PDGFC: variants seen among roughly 807,000 people sequenced by gnomAD.
PDGFC encodes the protein platelet derived growth factor C.
Under a neutral mutation model 35.5 loss-of-function variants are expected in PDGFC, and 12 were observed. The ratio of observed to expected loss-of-function variants is 0.34; its 90% CI spans 0.22 to 0.55. The LOEUF is 0.55. Among genes scored for constraint, PDGFC ranks in the 20% least tolerant of loss-of-function variants. PDGFC has a pLI of 0.91. For missense variants in PDGFC, 322 were observed against 412.4 expected (o/e 0.78, Z 1.90); for synonymous variants, 159 against 148.8 (o/e 1.07, Z -0.50).
intron 3 of PDGFC, among the ~76,000 whole-genome samples, chr4:156,797,928 G>A (rs1560816474): frequency 6.6e-6 from 1 of 152,142 alleles, no homozygotes; most frequent in South Asian, 2.1e-4. Context: ...GGTGCCTCAC[G>A]CCAGTAATTC....
intron 3 of PDGFC, among the ~76,000 whole-genome samples, chr4:156,801,322 A>G (rs1221333251): frequency 6.6e-6 from 1 of 152,104 alleles, no homozygotes; most frequent in Non-Finnish European, 1.5e-5. Flanking sequence ...TTGAGTAATA[A>G]TAAAGCTCCA....
chr4:156,919,802 G>C (rs1240957741), intron 1 of PDGFC, among the ~76,000 whole-genome samples: 1 of 152,198 alleles, frequency 6.6e-6, no homozygotes, highest in Admixed American at 6.5e-5. Context: ...TCTAGGAACA[G>C]AGCTGTCCTT....
chr4:156,886,955 A>T (rs983027173), intron 1 of PDGFC: 2 of 152,146 alleles, frequency 1.3e-5, no homozygotes, highest in Non-Finnish European at 2.9e-5. Flanking sequence ...TTAAGCTATG[A>T]TTTGTGTCTT....
chr4:156,847,154 CCTT>C (rs1428672402), intron 2 of PDGFC, among the ~76,000 whole-genome samples: 4 of 151,580 alleles, frequency 2.6e-5, no homozygotes, highest in Non-Finnish European at 5.9e-5. Flanking sequence ...ATCAGTATCT[CCTT>C]GAGTGTGGGC....
intron 1 of PDGFC, among the ~76,000 whole-genome samples, chr4:156,935,357 A>G (rs1386544165): frequency 6.6e-6 from 1 of 152,334 alleles, no homozygotes; most frequent in East Asian, 1.9e-4. Flanking sequence ...ATAGTATAGC[A>G]AATACAAAAA....
chr4:156,825,386 C>CA (rs34775471), intron 2 of PDGFC, among the ~76,000 whole-genome samples: 7,718 of 128,240 alleles, frequency 0.06, 640 homozygotes, highest in African/African-American at 0.2. Flanking sequence ...CCGTTTCTAC[C>CA]AAAAAAAAAA....
intron 1 of PDGFC, among the ~76,000 whole-genome samples, chr4:156,867,535 A>G (rs1415847237): frequency 7.2e-5 from 11 of 152,194 alleles, no homozygotes; most frequent in Non-Finnish European, 1.0e-4. Context: ...AACATCACCA[A>G]AGCCAAGTGT....
At position 156,793,560 on chromosome 4, in the gene PDGFC, TATAA is replaced by T. The variant is rs1353978437; in HGVS notation, c.495+17273_495+17276del. On this transcript the variant is annotated intron_variant, in intron 3 of 5. Transcript: ENST00000502773. ...ATATATATATATATATATATATATA[TATAA>T]AACACTTTAAAATGTTATATGTGTG... is the stretch of plus-strand genomic sequence containing the variant. Among the ~76,000 whole-genome samples, 957 of 139,144 alleles carry T rather than the reference TATAA, an allele frequency of 6.9e-3. 9 individuals are homozygous for T. Among genetic ancestry groups the T allele is most frequent in the African/African-American group, 0.021 (726 of 34,768 alleles). The allele number at this position is 139,144 out of a possible 152,430, so 91.3% of individuals were successfully genotyped here.
chr4:156,857,574 T>C (rs1257338394), intron 1 of PDGFC, among the ~76,000 whole-genome samples: 1 of 152,052 alleles, frequency 6.6e-6, no homozygotes, highest in Non-Finnish European at 1.5e-5. Flanking sequence ...GGGGCCTGTG[T>C]TCAGGAAGTA....
chr4:156,828,741 C>A (rs1380363439), intron 2 of PDGFC, among the ~76,000 whole-genome samples: 1 of 152,094 alleles, frequency 6.6e-6, no homozygotes, highest in Non-Finnish European at 1.5e-5. Context: ...CTACTTACAT[C>A]ACTTTCATTT....
At chr4:156,945,378 T>C (rs1486055635) in intron 1 of PDGFC, among the ~76,000 whole-genome samples, 7 of 119,912 alleles carry the variant, frequency 5.8e-5, no homozygotes, top group South Asian at 5.5e-4. Context: ...TATATATATA[T>C]ATATATATAT....
At chr4:156,950,417 C>T (rs921323783) in intron 1 of PDGFC, among the ~76,000 whole-genome samples, 1 of 151,800 alleles carries the variant, frequency 6.6e-6, no homozygotes, top group South Asian at 2.1e-4. Context: ...ACTTCATTGG[C>T]GCTAGAAGCT....
At chr4:156,772,468 C>T (rs1253638967) in intron 4 of PDGFC, among the ~76,000 whole-genome samples, 1 of 152,050 alleles carries the variant, frequency 6.6e-6, no homozygotes, top group Non-Finnish European at 1.5e-5. Flanking sequence ...TCAGAAGTAT[C>T]CCCCTTTCAA....
intron 2 of PDGFC, among the ~76,000 whole-genome samples, chr4:156,818,519 T>TG (rs1319718896): frequency 4.2e-5 from 6 of 142,918 alleles, no homozygotes; most frequent in Non-Finnish European, 9.2e-5. Context: ...TCTAGCTGTT[T>TG]TTTTTTTTTT....
intron 1 of PDGFC, among the ~76,000 whole-genome samples, chr4:156,888,678 T>A (rs1386088967): frequency 6.6e-6 from 1 of 152,184 alleles, no homozygotes; most frequent in East Asian, 1.9e-4. Context: ...AAAATTCACA[T>A]CACTTTTTTC....
At chr4:156,809,417 TCTTA>T (rs759803190) in intron 3 of PDGFC, among the ~76,000 whole-genome samples, 3 of 151,994 alleles carry the variant, frequency 2.0e-5, no homozygotes, top group Non-Finnish European at 4.4e-5. Context: ...ACCTTTGGGT[TCTTA>T]CTTCATCACA....
intron 1 of PDGFC, among the ~76,000 whole-genome samples, chr4:156,958,841 T>A (rs548669644): frequency 1.3e-5 from 2 of 152,036 alleles, no homozygotes; most frequent in African/African-American, 2.4e-5. Flanking sequence ...ATAACTTGGA[T>A]AGGACTTATT....
intron 1 of PDGFC, among the ~76,000 whole-genome samples, chr4:156,937,110 C>A (rs766706912): frequency 3.3e-5 from 5 of 151,836 alleles, no homozygotes; most frequent in Non-Finnish European, 5.9e-5. Flanking sequence ...AAGGTGTGTG[C>A]TGAAAAAAGA....
intron 1 of PDGFC, 35 bp from the exon 2 acceptor site, chr4:156,850,451 AG>A: frequency 1.6e-6 from 2 of 1,276,174 alleles, no homozygotes; most frequent in Non-Finnish European, 2.2e-6. Flanking sequence ...ACATACATTT[AG>A]ATTTCAAAAA....
Sources: gnomAD v4.1 joint callset for allele counts (sites outside exome capture counted in the v4.1 genomes callset) on GRCh38, gnomAD v4.1.1 for gene constraint, MANE v1.5 for transcripts, NCBI Gene and HGNC (gene_info 2026-07-23, HGNC 2026-07-21) for gene names.